Variants in HEATR1 observed in about 807,000 individuals in gnomAD.
The protein encoded by HEATR1 is HEAT repeat-containing protein 1.
HEATR1 carries 77 observed loss-of-function variants against 248.2 expected under a neutral mutation model. The observed-to-expected ratio is 0.31, with a 90% CI of 0.26 to 0.37. HEATR1 has a LOEUF of 0.37. Among genes scored for constraint, HEATR1 ranks in the 10% least tolerant of loss-of-function variants. The pLI, the probability that HEATR1 is intolerant of heterozygous loss-of-function variation, is 1.00. For synonymous variants in HEATR1, 897 were observed against 923.1 expected (o/e 0.97, Z 0.51); for missense variants, 2,420 against 2,504.9 (o/e 0.97, Z 0.72).
chr1:236,580,816 C>T (rs1663709826), intron 20 of HEATR1, among the ~76,000 whole-genome samples: 1 of 112,756 alleles, frequency 8.9e-6, no homozygotes, highest in Non-Finnish European at 1.8e-5. Flanking sequence ...CTCGCCTGGC[C>T]TTTATCGATT....
chr1:236,551,291 C>G, intron 44 of HEATR1: 1 of 354,458 alleles, frequency 2.8e-6, no homozygotes, highest in Non-Finnish European at 5.1e-6. Flanking sequence ...AGCTAAGAAA[C>G]AAAGGAGAAT....
intron 44 of HEATR1, 66 bp from the exon 45 acceptor site, chr1:236,551,056 G>C: frequency 8.0e-7 from 1 of 1,257,688 alleles, no homozygotes; most frequent in Non-Finnish European, 1.1e-6. Context: ...GTTCTCATTA[G>C]TTTAATTCTT....
At chr1:236,572,933 A>G (rs1663467926) in intron 24 of HEATR1, 105 bp from the exon 25 acceptor site, 2 of 1,023,834 alleles carry the variant, frequency 2.0e-6, no homozygotes, top group Admixed American at 1.8e-5. Context: ...AGAGGGAAGA[A>G]TGACTTACTG....
intron 33 of HEATR1, 25 bp downstream of exon 33, chr1:236,561,200 A>G: frequency 1.3e-6 from 2 of 1,538,266 alleles, no homozygotes; most frequent in Non-Finnish European, 1.8e-6. Flanking sequence ...CCAAATAAAA[A>G]GTAGAAAAAG....
Position 236,603,215 on chromosome 1 carries a change from A to G in HEATR1, c.304T>C (p.Ser102Pro). 11 of 1,614,176 alleles carry G rather than the reference A, an allele frequency of 6.8e-6. No individual in the cohort carries two copies. The highest frequency in any genetic ancestry group is 9.3e-6 in the Non-Finnish European group (11 of 1,180,030). Residue 102 changes from serine to proline, a missense_variant, in exon 3 of 45, where the codon TCG becomes CCG. By Grantham distance (74) the Ser-to-Pro change is moderately conservative. Transcript: ENST00000366582. Reference sequence around the variant, plus strand: ...GCTGGCTTAAGCAGGAAGTAAGGCGACAAGTGAATAAGGAATAATGAAATG... The same window carrying G: ...GCTGGCTTAAGCAGGAAGTAAGGCGGCAAGTGAATAAGGAATAATGAAATG... ...ENISLFLIHLSPYFLLKPAQK... is the reference protein window; with the variant it reads ...ENISLFLIHLPPYFLLKPAQK...
At chr1:236,555,248 T>C in intron 41 of HEATR1, 48 bp downstream of exon 41, 2 of 1,587,402 alleles carry the variant, frequency 1.3e-6, no homozygotes, top group Non-Finnish European at 1.7e-6. Flanking sequence ...GTACCTTGTA[T>C]AAGGCACACA....
At chr1:236,556,290 A>G in intron 37 of HEATR1, 32 bp from the exon 38 acceptor site, 4 of 1,609,686 alleles carry the variant, frequency 2.5e-6, no homozygotes, top group Non-Finnish European at 2.6e-6. Context: ...GATCAGGGCC[A>G]CTGCAGATCT....
chr1:236,590,861 T>C lies in HEATR1; in HGVS notation c.1516A>G (p.Met506Val), dbSNP rs1198078552. 1.3e-6 allele frequency: 2 copies of C among 1,505,154 alleles called. No individual in the cohort carries two copies. The highest frequency in any genetic ancestry group is 2.7e-5 in the South Asian group (2 of 73,026). 93.2% of individuals were successfully genotyped at this position (1,505,154 alleles called of 1,614,324 possible). Reference sequence around the variant, plus strand: ...CTGAAACAAACCTTTGATGTTTTCATGATCTTTTTCAAATGATTCATGGCC... The same window carrying C: ...CTGAAACAAACCTTTGATGTTTTCACGATCTTTTTCAAATGATTCATGGCC... ...ILAMNHLKKI[M>V]KTSKEGVDES... Residue 506 changes from methionine to valine, a missense_variant, in exon 12 of 45, where the codon ATG becomes GTG. Met to Val is a conservative substitution (Grantham distance 21). Transcript: ENST00000366582.
intron 26 of HEATR1, among the ~76,000 whole-genome samples, 197 bp downstream of exon 26, chr1:236,572,214 A>G (rs1394815170): frequency 6.6e-6 from 1 of 152,222 alleles, no homozygotes; most frequent in Non-Finnish European, 1.5e-5. Flanking sequence ...CATTTACTAC[A>G]TGACACAGGA....
intron 32 of HEATR1, among the ~76,000 whole-genome samples, chr1:236,563,382 C>T (rs928772659): frequency 5.3e-5 from 8 of 151,902 alleles, no homozygotes; most frequent in Admixed American, 1.3e-4. Context: ...CCCGGGTTCA[C>T]GCCATTCTCC....
At chr1:236,581,577 A>G (rs1033127547) in intron 19 of HEATR1, among the ~76,000 whole-genome samples, 163 bp from the exon 20 acceptor site, 3 of 152,256 alleles carry the variant, frequency 2.0e-5, no homozygotes, top group African/African-American at 7.2e-5. Flanking sequence ...GTTTTAATGA[A>G]CTGGGAAGAT....
At chr1:236,588,307 T>G (rs1663946935) in intron 12 of HEATR1, among the ~76,000 whole-genome samples, 1 of 152,220 alleles carries the variant, frequency 6.6e-6, no homozygotes, top group African/African-American at 2.4e-5. Context: ...GTTTTTGTAG[T>G]TAAGGAGTTC....
chr1:236,587,629 C>G, intron 13 of HEATR1, 139 bp from the exon 14 acceptor site: 1 of 456,786 alleles, frequency 2.2e-6, no homozygotes, highest in Non-Finnish European at 3.9e-6. Context: ...GTTTTAAGAT[C>G]TATTTCTCAA....
chr1:236,564,514 T>C lies in HEATR1; in HGVS notation c.4583A>G (p.Asn1528Ser), dbSNP rs1206821957. The part of the protein sequence containing the change: ...VSFMSQLLSS[N>S]NFLKKVVESG... ...ACACATTACCTTTTTCAGAAAATTA[T>C]TGGAAGACAGGAGCTGAGACATGAA... The change falls in exon 32 of 45, where the codon AAT becomes AGT. Residue 1528 changes from asparagine (N) to serine (S), a missense_variant. Coordinates refer to ENST00000366582, the MANE Select transcript of HEATR1 (RefSeq NM_018072.6). 7 of 1,613,278 alleles carry C rather than the reference T, an allele frequency of 4.3e-6. No homozygotes were observed. The highest frequency in any genetic ancestry group is 2.7e-5 in the African/African-American group (2 of 74,884).
intron 29 of HEATR1, among the ~76,000 whole-genome samples, chr1:236,567,886 C>G (rs1225630329): frequency 1.3e-5 from 2 of 152,184 alleles, no homozygotes; most frequent in Non-Finnish European, 2.9e-5. Context: ...ACAGAAAAGG[C>G]CAACAACTTC....
chr1:236,591,035 A>G (rs1664022123), intron 11 of HEATR1, 81 bp from the exon 12 acceptor site: 2 of 626,986 alleles, frequency 3.2e-6, no homozygotes, highest in African/African-American at 1.9e-5. Flanking sequence ...AGAGAAAACC[A>G]CCCCAAATTG....
chr1:236,570,579 T>C (rs1308682949), intron 28 of HEATR1, among the ~76,000 whole-genome samples: 1 of 152,084 alleles, frequency 6.6e-6, no homozygotes, highest in Non-Finnish European at 1.5e-5. Flanking sequence ...ATCGTGGTGG[T>C]GATTACAGAA....
intron 20 of HEATR1, among the ~76,000 whole-genome samples, chr1:236,577,963 T>A (rs16833956): frequency 0.034 from 5,233 of 152,290 alleles, 105 homozygotes; most frequent in Middle Eastern, 0.058. Flanking sequence ...CACCTGTGCA[T>A]CGTACTCTAC....
At chr1:236,585,725 A>T (rs1474024377) in intron 16 of HEATR1, 95 bp downstream of exon 16, 4 of 1,290,248 alleles carry the variant, frequency 3.1e-6, no homozygotes, top group East Asian at 2.4e-5. Flanking sequence ...AATAAAAGAA[A>T]TTTTTTTTAA....
Sources: allele counts gnomAD v4.1 joint callset (sites outside exome capture counted in the v4.1 genomes callset), GRCh38; gene constraint gnomAD v4.1.1; transcripts MANE v1.5; gene names NCBI Gene and HGNC (gene_info 2026-07-23, HGNC 2026-07-21).